PCNX2: variants seen among roughly 807,000 people sequenced by gnomAD.
PCNX2 encodes the protein pecanex-like protein 2.
PCNX2 carries 168 observed loss-of-function variants against 223.8 expected under a neutral mutation model. That is an observed-to-expected ratio of 0.75 (90% CI 0.66 to 0.85). The LOEUF (loss-of-function observed/expected upper bound fraction) is 0.85, where lower values mean the gene tolerates loss of function less well. PCNX2 is among the 40% of genes least tolerant of loss of function. The pLI, the probability that PCNX2 is intolerant of heterozygous loss-of-function variation, is 0.00. For missense variants in PCNX2, 2,507 were observed against 2,675.5 expected, an observed-to-expected ratio of 0.94 and a Z score of 1.39; for synonymous variants, 1,006 against 1,052.6, an observed-to-expected ratio of 0.96 and a Z score of 0.86.
At position 233,101,436 on chromosome 1, in the gene PCNX2, C is replaced by T. The variant is rs147040144; in HGVS notation, c.3838-5573G>A. Among the ~76,000 whole-genome samples, 293 of 152,228 alleles carry T rather than the reference C, an allele frequency of 1.9e-3. 1 individual carries two copies. Among genetic ancestry groups the T allele is most frequent in the African/African-American group, 6.7e-3 (280 of 41,532 alleles). ...TTGTAAAGTAAAAAACATCTTCAGA[C>T]AATGGTTATAACTCATTACAAGAGT... On this transcript the variant is annotated intron_variant, in intron 21 of 33. Transcript: ENST00000258229.
intron 23 of PCNX2, among the ~76,000 whole-genome samples, chr1:233,069,613 T>A (rs1672760540): frequency 6.6e-6 from 1 of 150,458 alleles, no homozygotes; most frequent in African/African-American, 2.5e-5. Context: ...AAATAAACCA[T>A]GGGTCAAAGA....
chr1:233,273,191 AT>A (rs567166997), intron 1 of PCNX2, among the ~76,000 whole-genome samples: 13 of 123,752 alleles, frequency 1.1e-4, no homozygotes, highest in Non-Finnish European at 2.3e-4. Context: ...TAAAAAAATA[AT>A]AATTTAAAAA....
intron 21 of PCNX2, among the ~76,000 whole-genome samples, chr1:233,112,676 G>A (rs1364408914): frequency 6.6e-6 from 1 of 152,214 alleles, no homozygotes; most frequent in African/African-American, 2.4e-5. Context: ...CTTCTTTGAT[G>A]TGTTAGCGGG....
chr1:233,233,791 T>C (rs964687889), intron 9 of PCNX2, among the ~76,000 whole-genome samples: 1 of 151,900 alleles, frequency 6.6e-6, no homozygotes, highest in Non-Finnish European at 1.5e-5. Context: ...TGCTTGCTTT[T>C]GCTAGTCTCT....
At chr1:233,128,871 G>A (rs77124888) in intron 21 of PCNX2, among the ~76,000 whole-genome samples, 5,553 of 152,304 alleles carry the variant, frequency 0.036, 118 homozygotes, top group African/African-American at 0.072. Context: ...ATGAAGGAGC[G>A]AGGAAGAAGG....
intron 21 of PCNX2, among the ~76,000 whole-genome samples, chr1:233,127,712 T>G (rs2251010): frequency 0.98 from 149,598 of 152,302 alleles, 73,494 homozygotes; most frequent in East Asian, 1. Flanking sequence ...TTTCTCACCT[T>G]TAAAATGAGG....
rs76925483 is a variant in PCNX2, at chr1:233,171,519, T to G, written c.3273+6283A>C. Among the ~76,000 whole-genome samples, 9 of 152,278 alleles carry G rather than the reference T, an allele frequency of 5.9e-5. No homozygotes were observed. In the Middle Eastern group the frequency reaches 0.01, roughly 173 times the overall value. ...TTAAGTATATCCAACAACTGTCTTC[T>G]GGCTTCCATGAGGGCTCTTGATAAG... On this transcript the variant is annotated intron_variant, in intron 17 of 33. Coordinates refer to ENST00000258229, the MANE Select transcript of PCNX2 (RefSeq NM_014801.4).
At chr1:233,297,723 T>C (rs1376081282), upstream of PCNX2, among the ~76,000 whole-genome samples, 1 of 152,134 alleles carries the variant, frequency 6.6e-6, no homozygotes, top group Non-Finnish European at 1.5e-5. Context: ...AAGGTCAGTC[T>C]CCTGGGCCAT....
At chr1:233,188,781 A>G (rs1680254957) in intron 15 of PCNX2, among the ~76,000 whole-genome samples, 1 of 152,178 alleles carries the variant, frequency 6.6e-6, no homozygotes, top group South Asian at 2.1e-4. Context: ...TCAGCCTCCC[A>G]AAGTGGTGGG....
At chr1:233,039,925 T>C (rs1159637121) in intron 25 of PCNX2, among the ~76,000 whole-genome samples, 1 of 152,228 alleles carries the variant, frequency 6.6e-6, no homozygotes, top group Non-Finnish European at 1.5e-5. Flanking sequence ...GTAATCTCTA[T>C]TATTTTTTGT....
At chr1:233,165,889 AAT>A (rs887963469) in intron 17 of PCNX2, among the ~76,000 whole-genome samples, 1 of 152,186 alleles carries the variant, frequency 6.6e-6, no homozygotes, top group African/African-American at 2.4e-5. Context: ...ATGGAAATGC[AAT>A]AGACCCTAGA....
At chr1:232,985,983 T>A (rs1388730921) in intron 33 of PCNX2, 109 bp downstream of exon 33, 1 of 1,205,794 alleles carries the variant, frequency 8.3e-7, no homozygotes, top group Non-Finnish European at 1.2e-6. Flanking sequence ...GAGAAGGGGA[T>A]GGGGTTCTGC....
At chr1:233,289,538 G>T in intron 1 of PCNX2, 1 of 651,120 alleles carries the variant, frequency 1.5e-6, no homozygotes, top group South Asian at 1.8e-5. Context: ...CTCTTCGCCT[G>T]AAATACAACT....
At chr1:233,026,266 A>G (rs999469608) in intron 25 of PCNX2, among the ~76,000 whole-genome samples, 2 of 152,170 alleles carry the variant, frequency 1.3e-5, no homozygotes, top group African/African-American at 2.4e-5. Context: ...CAGACAGATG[A>G]CTACGTCCAA....
intron 28 of PCNX2, among the ~76,000 whole-genome samples, chr1:233,014,324 A>G (rs1670574785): frequency 6.6e-6 from 1 of 152,186 alleles, no homozygotes; most frequent in Admixed American, 6.5e-5. Flanking sequence ...AACACTGAGC[A>G]GCAACTCTGT....
At chr1:233,186,889 G>GCA (rs371765912) in intron 15 of PCNX2, among the ~76,000 whole-genome samples, 4,046 of 149,912 alleles carry the variant, frequency 0.027, 125 homozygotes, top group African/African-American at 0.075. Context: ...ACATAGAAAT[G>GCA]CACACACACA....
chr1:233,169,762 A>G (rs1273717082), intron 17 of PCNX2, among the ~76,000 whole-genome samples: 1 of 151,926 alleles, frequency 6.6e-6, no homozygotes, highest in East Asian at 1.9e-4. Flanking sequence ...TTAATCTAAC[A>G]TTTCCAGCAT....
At chr1:233,302,315 G>T in the PCNX2 span, among the ~76,000 whole-genome samples, 1 of 151,386 alleles carries the variant, frequency 6.6e-6, no homozygotes, top group Non-Finnish European at 1.5e-5. Context: ...GACTTTATTG[G>T]TATAAAGTTT....
rs141484213 is a variant in PCNX2 at position 233,241,718 on chromosome 1, T to G, written c.2223-4738A>C. 4.3e-3 allele frequency among the ~76,000 whole-genome samples: 660 copies of G among 152,340 alleles called. 3 individuals carry two copies. The highest frequency in any genetic ancestry group is 0.015 in the African/African-American group (644 of 41,582). On this transcript the variant is annotated intron_variant, in intron 8 of 33. Transcript: ENST00000258229. ...ATATGCATCTCTCAAATATTTGTAA[T>G]AAAAGACGAAATTTCTAAACTATAA...
Sources: gnomAD v4.1 joint callset for allele counts (sites outside exome capture counted in the v4.1 genomes callset) on GRCh38, gnomAD v4.1.1 for gene constraint, MANE v1.5 for transcripts, NCBI Gene and HGNC (gene_info 2026-07-23, HGNC 2026-07-21) for gene names.